Variants in PBRM1 observed in about 807,000 individuals in gnomAD.
PBRM1 encodes polybromo 1, also known as protein polybromo-1.
Under a neutral mutation model 194.5 loss-of-function variants are expected in PBRM1, and 27 were observed. The observed-to-expected ratio is 0.14, with a 90% confidence interval of 0.10 to 0.19. The LOEUF (loss-of-function observed/expected upper bound fraction) is 0.19, where lower values mean the gene tolerates loss of function less well. Ranked by LOEUF, PBRM1 falls within the 10% of genes least tolerant of loss-of-function variation. The probability of loss-of-function intolerance (pLI) is 1.00; values close to 1 mark genes in which losing one functional copy is unlikely to be tolerated. For missense variants in PBRM1, 1,466 were observed against 2,077.2 expected (o/e 0.71, Z 5.72); for synonymous variants, 655 against 693.2 (o/e 0.94, Z 0.87).
At chr3:52,669,865 T>C (rs975156177) in intron 2 of PBRM1, among the ~76,000 whole-genome samples, 2 of 152,190 alleles carry the variant, frequency 1.3e-5, no homozygotes, top group Non-Finnish European at 2.9e-5. Flanking sequence ...GTTAATACAG[T>C]ACAGTTGACC....
intron 3 of PBRM1, among the ~76,000 whole-genome samples, chr3:52,663,004 A>G (rs1464647401): frequency 6.6e-6 from 1 of 152,144 alleles, no homozygotes; most frequent in Non-Finnish European, 1.5e-5. Context: ...CTGCTCATGA[A>G]GTATAGTGGG....
intron 15 of PBRM1, among the ~76,000 whole-genome samples, chr3:52,611,470 A>G (rs2094604553): frequency 6.6e-6 from 1 of 152,146 alleles, no homozygotes; most frequent in Non-Finnish European, 1.5e-5. Flanking sequence ...TCCAACTACC[A>G]ATTTATAGGA....
At chr3:52,629,142 C>G in intron 11 of PBRM1, 107 bp from the exon 13 acceptor site, 1 of 765,654 alleles carries the variant, frequency 1.3e-6, no homozygotes, top group Non-Finnish European at 2.1e-6. Context: ...GGTATCTTTA[C>G]TGGTAATACT....
At chr3:52,684,376 C>CT (rs1402931728), upstream of PBRM1, among the ~76,000 whole-genome samples, 1 of 152,002 alleles carries the variant, frequency 6.6e-6, no homozygotes, top group Non-Finnish European at 1.5e-5. Flanking sequence ...AGAATATCGA[C>CT]TTACTATAGA....
intron 3 of PBRM1, among the ~76,000 whole-genome samples, chr3:52,667,697 G>T (rs1005755119): frequency 6.8e-6 from 1 of 147,114 alleles, no homozygotes; most frequent in African/African-American, 2.5e-5. Context: ...AGGTTGCAGT[G>T]AGCTGAGATC....
chr3:52,576,694 C>T (rs1360491739), exon 22 of PBRM1: 1 of 1,593,702 alleles, frequency 6.3e-7, no homozygotes. Context: ...CATACTTTTT[C>T]AATTCTTGGG....
chr3:52,662,140 G>C (rs2153921067), exon 4 of PBRM1: 1 of 1,613,754 alleles, frequency 6.2e-7, no homozygotes, highest in Non-Finnish European at 8.5e-7. Context: ...TACTCCTTCA[G>C]TCACTGTGCC....
At chr3:52,647,552 T>A (rs1193086062) in intron 7 of PBRM1, among the ~76,000 whole-genome samples, 1 of 142,898 alleles carries the variant, frequency 7.0e-6, no homozygotes, top group South Asian at 2.2e-4. Flanking sequence ...TTATTTATAA[T>A]AGCCAATAAG....
At chr3:52,575,123 G>A (rs763938649) in intron 22 of PBRM1, among the ~76,000 whole-genome samples, 2 of 151,960 alleles carry the variant, frequency 1.3e-5, no homozygotes, top group African/African-American at 2.4e-5. Flanking sequence ...GGCTGGTCTC[G>A]AACTCCTGGG....
chr3:52,651,269 G>A (rs974957001), intron 6 of PBRM1, among the ~76,000 whole-genome samples: 1 of 152,152 alleles, frequency 6.6e-6, no homozygotes, highest in South Asian at 2.1e-4. Context: ...AGAGAAAAAA[G>A]TAGTATCTAA....
exon 11 of PBRM1, chr3:52,634,668 G>A (rs2095740058): frequency 6.2e-7 from 1 of 1,613,594 alleles, no homozygotes; most frequent in Non-Finnish European, 8.5e-7. Flanking sequence ...TTTCTTTGAA[G>A]GCAAATGGTA....
intron 20 of PBRM1, chr3:52,586,156 G>A (rs530924938): frequency 3.4e-4 from 86 of 256,428 alleles, no homozygotes; most frequent in Non-Finnish European, 5.6e-4. Flanking sequence ...GGCTGGTCTC[G>A]AACTCCTGAT....
intron 22 of PBRM1, among the ~76,000 whole-genome samples, chr3:52,565,764 T>C (rs1018647543): frequency 1.4e-4 from 21 of 151,512 alleles, no homozygotes; most frequent in African/African-American, 5.1e-4. Context: ...CATGAAACAA[T>C]GCTTAGCCAG....
intron 27 of PBRM1, 144 bp from the exon 30 acceptor site, chr3:52,550,961 C>A (rs941991241): frequency 3.4e-6 from 2 of 584,184 alleles, no homozygotes; most frequent in South Asian, 2.2e-5. Flanking sequence ...ATCTTAAGCA[C>A]CCCAATAGGA....
At chr3:52,611,957 T>C (rs1395682373) in intron 15 of PBRM1, among the ~76,000 whole-genome samples, 44 of 151,776 alleles carry the variant, frequency 2.9e-4, no homozygotes, top group Non-Finnish European at 1.9e-4. Context: ...GAGGGGAGTT[T>C]ACAGATTAAA....
intron 13 of PBRM1, among the ~76,000 whole-genome samples, chr3:52,619,922 A>G (rs984945885): frequency 9.8e-5 from 15 of 152,342 alleles, no homozygotes; most frequent in East Asian, 1.9e-4. Context: ...GATCATCCTC[A>G]TAACTTGTGT....
At chr3:52,682,575 G>A (rs953716627), upstream of PBRM1, among the ~76,000 whole-genome samples, 6 of 152,154 alleles carry the variant, frequency 3.9e-5, no homozygotes, top group African/African-American at 1.4e-4. Context: ...TAATTTTCAA[G>A]TATTTTCTTA....
intron 27 of PBRM1, 56 bp downstream of exon 29, chr3:52,554,668 C>T (rs1297152514): frequency 1.0e-5 from 15 of 1,438,818 alleles, no homozygotes; most frequent in East Asian, 2.6e-5. Flanking sequence ...TGGTTGAAAG[C>T]GGAAAAAGAG....
At position 52,609,751 on chromosome 3, in the gene PBRM1, C is replaced by T. The variant is rs1274200331; in HGVS notation, c.2129G>A (p.Arg710Gln). Reference sequence around the variant, plus strand: ...GTACTTGTTGGCCATCATGTGACTTCGAATTTTTTCCATGTCCATGGGCTT... The same window carrying T: ...GTACTTGTTGGCCATCATGTGACTTTGAATTTTTTCCATGTCCATGGGCTT... Residue 710 changes from arginine (R) to glutamine (Q), a missense_variant, in exon 16 of 30, where the codon CGA becomes CAA. Transcript: ENST00000296302. The surrounding 1 kb of genome is among the most constrained non-coding windows in gnomAD (Gnocchi z 4.1). 6.2e-6 allele frequency: 10 copies of T among 1,607,188 alleles called. No homozygotes were observed. Among genetic ancestry groups the T allele is most frequent in the South Asian group, 1.1e-5 (1 of 89,772 alleles).
Sources: gnomAD v4.1 joint callset for allele counts (sites outside exome capture counted in the v4.1 genomes callset) on GRCh38, gnomAD v4.1.1 for gene constraint, Gnocchi (gnomAD v3.1) non-coding constraint, MANE v1.5 for transcripts, NCBI Gene and HGNC (gene_info 2026-07-23, HGNC 2026-07-21) for gene names.